FAM13A: variants seen among roughly 807,000 people sequenced by gnomAD.
The protein encoded by FAM13A is family with sequence similarity 13 member A, also known as protein FAM13A.
A neutral mutation model predicts 129.6 loss-of-function variants in FAM13A; 76 were observed. That is an observed-to-expected ratio of 0.59 (90% CI 0.49 to 0.71). The LOEUF is 0.71. Among genes scored for constraint, FAM13A ranks in the 30% least tolerant of loss-of-function variants. The pLI is 0.00. For missense variants in FAM13A, 1,108 were observed against 1,249.3 expected (o/e 0.89, Z 1.70); for synonymous variants, 443 against 449.9 (o/e 0.98, Z 0.20).
At chr4:88,790,476 T>A in intron 9 of FAM13A, 110 bp downstream of exon 9, 3 of 865,554 alleles carry the variant, frequency 3.5e-6, no homozygotes, top group Non-Finnish European at 5.5e-6. Flanking sequence ...TTATCTGAAT[T>A]TTCCAATACT....
intron 4 of FAM13A, among the ~76,000 whole-genome samples, chr4:88,966,274 C>T (rs144667336): frequency 6.6e-6 from 1 of 152,306 alleles, no homozygotes; most frequent in East Asian, 1.9e-4. Flanking sequence ...TTGTGAGCTA[C>T]ATCCCTCCCT....
intron 7 of FAM13A, among the ~76,000 whole-genome samples, chr4:88,837,291 G>A (rs1397872220): frequency 6.6e-6 from 1 of 151,760 alleles, no homozygotes; most frequent in Non-Finnish European, 1.5e-5. Context: ...CACTGCGCCT[G>A]ACCAAAATGA....
At chr4:88,764,239 T>C (rs1370507371) in intron 13 of FAM13A, among the ~76,000 whole-genome samples, 1 of 152,180 alleles carries the variant, frequency 6.6e-6, no homozygotes, top group African/African-American at 2.4e-5. Flanking sequence ...ATCAAAGGTA[T>C]GCTTCTAAGC....
chr4:88,896,297 CAT>C (rs1746306465), intron 6 of FAM13A, among the ~76,000 whole-genome samples: 1 of 150,752 alleles, frequency 6.6e-6, no homozygotes, highest in Non-Finnish European at 1.5e-5. Flanking sequence ...GGAGGGATAC[CAT>C]TGGGAGATAC....
chr4:88,763,546 C>G (rs1296948529), intron 13 of FAM13A, among the ~76,000 whole-genome samples: 1 of 152,208 alleles, frequency 6.6e-6, no homozygotes, highest in Admixed American at 6.5e-5. Flanking sequence ...ATGAAGCTAT[C>G]AGTCTAATCT....
At position 88,985,030 on chromosome 4, in the gene FAM13A, T is replaced by G. The variant is rs184581445; in HGVS notation, c.605+5943A>C. ...ATTCGAAATAGCCAGAAACTAGAAG[T>G]AACACAAATACCCACCAACTAATGA... On this transcript the variant is annotated intron_variant, in intron 4 of 23. Transcript: ENST00000264344. Among the ~76,000 whole-genome samples the G allele has an allele frequency of 1.9e-3, 294 of 152,292 alleles. 2 individuals carry two copies. The highest frequency in any genetic ancestry group is 2.5e-3 in the Non-Finnish European group (167 of 68,012).
At chr4:88,838,244 G>T (rs1735168960) in intron 7 of FAM13A, among the ~76,000 whole-genome samples, 1 of 152,150 alleles carries the variant, frequency 6.6e-6, no homozygotes, top group Non-Finnish European at 1.5e-5. Flanking sequence ...TGAAACAAAA[G>T]TTTTGAAGAC....
intron 7 of FAM13A, among the ~76,000 whole-genome samples, chr4:88,846,891 T>G (rs1251725240): frequency 2.6e-5 from 4 of 152,232 alleles, no homozygotes; most frequent in Non-Finnish European, 5.9e-5. Flanking sequence ...TAACTTGTTC[T>G]GGCAAGTAAC....
chr4:89,010,907 G>A (rs1429517917), intron 3 of FAM13A, among the ~76,000 whole-genome samples: 3 of 151,920 alleles, frequency 2.0e-5, no homozygotes, highest in South Asian at 2.1e-4. Flanking sequence ...GGAGTGCAGT[G>A]GTGCGATCTC....
intron 7 of FAM13A, among the ~76,000 whole-genome samples, chr4:88,809,207 G>A (rs948333061): frequency 3.9e-5 from 6 of 152,006 alleles, no homozygotes; most frequent in African/African-American, 1.4e-4. Context: ...AATAATGTTG[G>A]GAGAATTCCC....
chr4:88,875,617 C>T (rs1017527303), intron 6 of FAM13A, among the ~76,000 whole-genome samples: 13 of 152,026 alleles, frequency 8.6e-5, no homozygotes, highest in Non-Finnish European at 1.8e-4. Flanking sequence ...GTTAAAATGG[C>T]GATCATTAAA....
intron 1 of FAM13A, among the ~76,000 whole-genome samples, chr4:89,042,989 G>A (rs1770358032): frequency 6.6e-6 from 1 of 152,152 alleles, no homozygotes; most frequent in South Asian, 2.1e-4. Context: ...AGATGAAGAC[G>A]ATGAAGTAAC....
chr4:88,970,947 G>A (rs1759994695), intron 4 of FAM13A, among the ~76,000 whole-genome samples: 3 of 152,180 alleles, frequency 2.0e-5, no homozygotes, highest in Admixed American at 1.3e-4. Context: ...AGTGGCTCAC[G>A]CCTGTAATCC....
rs376563765 is a variant in FAM13A, at chr4:88,787,879, T to C, written c.1145A>G (p.Asn382Ser). 3 of 1,613,380 alleles carry C rather than the reference T, an allele frequency of 1.9e-6. No homozygotes were observed. Among genetic ancestry groups the C allele is most frequent in the Non-Finnish European group, 2.5e-6 (3 of 1,179,640 alleles). The change falls in exon 10 of 24, where the codon AAT becomes AGT. Residue 382 changes from asparagine to serine, a missense_variant. Physicochemically the swap from Asn to Ser is conservative, Grantham distance 46. This residue lies in a region of FAM13A where 566 missense variants were observed against 595.7 expected (regional missense o/e 0.95). Transcript: ENST00000264344. The stretch of plus-strand genomic sequence containing the variant: ...CTCTGAACTTTGACCTCCAGAGTTA[T>C]TAACATCAAAAAGATGTTGTTCTAC... The part of the protein sequence containing the change: ...SAVEQHLFDV[N>S]NSGGQSSEDS...
intron 7 of FAM13A, among the ~76,000 whole-genome samples, chr4:88,836,977 T>C (rs1438377425): frequency 6.6e-6 from 1 of 151,816 alleles, no homozygotes; most frequent in Non-Finnish European, 1.5e-5. Flanking sequence ...AAAAAAATTA[T>C]GTTAAAATGA....
intron 6 of FAM13A, among the ~76,000 whole-genome samples, chr4:88,902,984 A>C (rs776914544): frequency 7.9e-5 from 12 of 152,174 alleles, no homozygotes; most frequent in Non-Finnish European, 1.6e-4. Flanking sequence ...ATAATGAATG[A>C]ACTCCCATTC....
chr4:88,842,887 C>A (rs2149943805), intron 7 of FAM13A, among the ~76,000 whole-genome samples: 1 of 152,204 alleles, frequency 6.6e-6, no homozygotes, highest in Non-Finnish European at 1.5e-5. Context: ...TATTGAAGGG[C>A]AGATTTTTGT....
chr4:89,023,412 A>C (rs1579817102), intron 2 of FAM13A, among the ~76,000 whole-genome samples: 1 of 148,982 alleles, frequency 6.7e-6, no homozygotes, highest in African/African-American at 2.5e-5. Context: ...TGCCCCTTAG[A>C]TCTGATTTCA....
chr4:88,903,549 C>A (rs1579201762), intron 6 of FAM13A, among the ~76,000 whole-genome samples: 1 of 152,156 alleles, frequency 6.6e-6, no homozygotes, highest in African/African-American at 2.4e-5. Flanking sequence ...AGAGAACAGG[C>A]TAGCCATATG....
Sources: allele counts gnomAD v4.1 joint callset (sites outside exome capture counted in the v4.1 genomes callset), GRCh38; gene constraint gnomAD v4.1.1; regional missense constraint gnomAD v4.1.1; transcripts MANE v1.5; gene names NCBI Gene and HGNC (gene_info 2026-07-23, HGNC 2026-07-21).